Variants in AGBL1 observed in about 807,000 individuals in gnomAD.
AGBL1 encodes the protein AGBL carboxypeptidase 1.
A neutral mutation model predicts 118.9 loss-of-function variants in AGBL1; 130 were observed. The ratio of observed to expected loss-of-function variants is 1.09; its 90% CI spans 0.95 to 1.26. AGBL1 has a LOEUF of 1.26. AGBL1 is among the 50% of genes most tolerant of loss of function. The pLI, the probability that AGBL1 is intolerant of heterozygous loss-of-function variation, is 0.00. For synonymous variants in AGBL1, 555 were observed against 478.9 expected, an observed-to-expected ratio of 1.16 and a Z score of -2.08; for missense variants, 1,584 against 1,298.1, an observed-to-expected ratio of 1.22 and a Z score of -3.38.
At chr15:86,478,994 G>A (rs868187740) in intron 18 of AGBL1, among the ~76,000 whole-genome samples, 2 of 152,124 alleles carry the variant, frequency 1.3e-5, no homozygotes, top group Admixed American at 6.6e-5. Context: ...AGGATTCCCT[G>A]TTTAATAAAT....
At chr15:86,569,520 A>C (rs2083970915) in intron 21 of AGBL1, among the ~76,000 whole-genome samples, 1 of 151,932 alleles carries the variant, frequency 6.6e-6, no homozygotes, top group Admixed American at 6.6e-5. Context: ...CTGCAATTCA[A>C]GTGATGCCTT....
chr15:86,749,568 A>C (rs1231579072), intron 22 of AGBL1, among the ~76,000 whole-genome samples: 3 of 152,114 alleles, frequency 2.0e-5, no homozygotes, highest in Non-Finnish European at 4.4e-5. Context: ...GTGGTGAGAG[A>C]GGGCATCCCT....
chr15:86,394,840 T>A (rs1031394409), intron 17 of AGBL1, among the ~76,000 whole-genome samples: 3 of 152,136 alleles, frequency 2.0e-5, no homozygotes, highest in African/African-American at 7.2e-5. Flanking sequence ...GGACTCACAC[T>A]CTAGTAACAC....
At chr15:86,715,683 TAAAG>T (rs201090621) in intron 22 of AGBL1, among the ~76,000 whole-genome samples, 577 of 152,170 alleles carry the variant, frequency 3.8e-3, no homozygotes, top group Non-Finnish European at 6.0e-3. Flanking sequence ...TGTTGGAATT[TAAAG>T]AAAGAAAGAA....
intron 22 of AGBL1, among the ~76,000 whole-genome samples, chr15:86,873,541 A>C (rs2141511480): frequency 6.6e-6 from 1 of 152,244 alleles, no homozygotes; most frequent in African/African-American, 2.4e-5. Context: ...TGGTATGGAG[A>C]GGTAGAACCT....
intron 22 of AGBL1, among the ~76,000 whole-genome samples, chr15:86,883,740 T>C (rs1567222834): frequency 6.6e-6 from 1 of 152,208 alleles, no homozygotes; most frequent in African/African-American, 2.4e-5. Context: ...CCATTTTTTT[T>C]CTAAATTAAT....
At chr15:86,691,545 T>C (rs1381178400) in intron 22 of AGBL1, among the ~76,000 whole-genome samples, 1 of 152,108 alleles carries the variant, frequency 6.6e-6, no homozygotes, top group East Asian at 1.9e-4. Context: ...TGTAAAATGC[T>C]CCCAGATGTT....
intron 22 of AGBL1, among the ~76,000 whole-genome samples, chr15:86,739,735 C>T (rs933459868): frequency 2.0e-5 from 3 of 152,026 alleles, no homozygotes; most frequent in African/African-American, 7.2e-5. Context: ...TTATCATTGT[C>T]CCTTTCAAAA....
At chr15:86,519,004 C>T (rs1004261204) in intron 18 of AGBL1, among the ~76,000 whole-genome samples, 9 of 151,538 alleles carry the variant, frequency 5.9e-5, no homozygotes, top group Non-Finnish European at 4.4e-5. Context: ...GAGGACAAGT[C>T]AGATCAAATG....
intron 16 of AGBL1, among the ~76,000 whole-genome samples, chr15:86,280,917 C>G (rs1349364831): frequency 2.0e-5 from 3 of 152,222 alleles, no homozygotes; most frequent in Non-Finnish European, 4.4e-5. Context: ...TTGTGTATCA[C>G]ACTTAGAGAG....
At chr15:86,163,747 A>C (rs1459458590) in intron 5 of AGBL1, among the ~76,000 whole-genome samples, 1 of 152,160 alleles carries the variant, frequency 6.6e-6, no homozygotes, top group East Asian at 1.9e-4. Flanking sequence ...TGAATAAATA[A>C]AATTAAATAA....
chr15:86,317,723 A>T lies in AGBL1; in HGVS notation c.2374+22315A>T, dbSNP rs143287743. ...AATATTTTAGACTTTTTGTGCCAGA[A>T]GATCTCTTTTTCAACTACTGAGCTC... On this transcript the variant is annotated intron_variant, in intron 17 of 22. Transcript: ENST00000614907. Among the ~76,000 whole-genome samples the T allele has an allele frequency of 4.2e-3, 635 of 152,342 alleles. 6 individuals carry two copies. Among genetic ancestry groups the T allele is most frequent in the African/African-American group, 0.014 (594 of 41,580 alleles).
At chr15:86,721,914 A>C (rs1269581589) in intron 22 of AGBL1, among the ~76,000 whole-genome samples, 8 of 152,336 alleles carry the variant, frequency 5.3e-5, no homozygotes, top group Non-Finnish European at 1.2e-4. Context: ...CAATTGCTTC[A>C]AAGAGAATAA....
In AGBL1 at chr15:87,021,976, T is replaced by C. The variant is rs147217884; in HGVS notation, c.3324-6849T>C. ...ACAGATGTTTCACATCACAGGACTC[T>C]GCAGAAAATCCCCAGTACTGGCCCA... On this transcript the variant is annotated intron_variant, in intron 24 of 24. Transcript: ENST00000441037. Among the ~76,000 whole-genome samples, 1,420 of 152,224 alleles carry C rather than the reference T, an allele frequency of 9.3e-3. 11 individuals are homozygous for C. Among genetic ancestry groups the C allele is most frequent in the Non-Finnish European group, 0.015 (1,015 of 68,002 alleles).
intron 19 of AGBL1, among the ~76,000 whole-genome samples, chr15:86,537,053 A>G (rs2083436504): frequency 6.6e-6 from 1 of 152,226 alleles, no homozygotes; most frequent in South Asian, 2.1e-4. Flanking sequence ...AGCACAGTCC[A>G]TCCTTGGGGG....
chr15:86,182,575 T>C (rs918403673), intron 5 of AGBL1, among the ~76,000 whole-genome samples: 10 of 152,114 alleles, frequency 6.6e-5, no homozygotes, highest in Admixed American at 2.6e-4. Context: ...TTAATTTCCT[T>C]TTTCTAAATT....
intron 6 of AGBL1, among the ~76,000 whole-genome samples, chr15:86,238,131 A>G (rs1325236224): frequency 6.6e-6 from 1 of 151,848 alleles, no homozygotes; most frequent in African/African-American, 2.4e-5. Flanking sequence ...CTCTAGTGCC[A>G]CTGTTTTGTT....
intron 18 of AGBL1, among the ~76,000 whole-genome samples, chr15:86,478,040 G>A (rs1025552464): frequency 1.3e-5 from 2 of 152,138 alleles, no homozygotes; most frequent in Non-Finnish European, 2.9e-5. Flanking sequence ...AGCCCTTCAT[G>A]CTAAAAACTC....
intron 6 of AGBL1, among the ~76,000 whole-genome samples, chr15:86,237,651 C>T (rs1403226640): frequency 2.0e-5 from 3 of 152,120 alleles, no homozygotes; most frequent in Admixed American, 1.3e-4. Flanking sequence ...CACCCACAGT[C>T]TAGACTCAAA....
Sources: gnomAD v4.1 joint callset for allele counts (sites outside exome capture counted in the v4.1 genomes callset) on GRCh38, gnomAD v4.1.1 for gene constraint, MANE v1.5 for transcripts, NCBI Gene and HGNC (gene_info 2026-07-23, HGNC 2026-07-21) for gene names.